Variants in GARIN1A observed in about 807,000 individuals in gnomAD.
GARIN1A encodes Golgi-associated RAB2 interactor protein 1A.
At chr7:128,696,875 G>A in the GARIN1A span, among the ~76,000 whole-genome samples, 2 of 152,082 alleles carry the variant, frequency 1.3e-5, no homozygotes, top group African/African-American at 4.8e-5. Context: ...CATTCTGGCA[G>A]GTGAAGAACA....
chr7:128,684,478 TG>T, the GARIN1A span: 1 of 152,178 alleles, frequency 6.6e-6, no homozygotes. Context: ...TAGCTGGATG[TG>T]GTGGTGCACA....
chr7:128,672,369 G>A, the GARIN1A span: 1 of 1,588,108 alleles, frequency 6.3e-7, no homozygotes, highest in Non-Finnish European at 8.6e-7. Flanking sequence ...CCCCAGAAAT[G>A]TTCCCAAGCC....
the GARIN1A span, chr7:128,709,005 T>C: frequency 6.6e-6 from 1 of 152,174 alleles, no homozygotes; most frequent in East Asian, 1.9e-4. Flanking sequence ...TGAGCAAAAG[T>C]GATTATGCCA....
At chr7:128,677,519 A>AAAAAT in the GARIN1A span, 2 of 1,472,982 alleles carry the variant, frequency 1.4e-6, no homozygotes, top group Non-Finnish European at 1.8e-6. Context: ...AAAAAAAAAA[A>AAAAAT]AGAAACCACG....
chr7:128,687,824 G>T, the GARIN1A span: 1 of 152,178 alleles, frequency 6.6e-6, no homozygotes, highest in East Asian at 1.9e-4. Context: ...CTGCCATGCT[G>T]GTGCTCTGGC....
the GARIN1A span, chr7:128,676,003 A>G: frequency 1.6e-6 from 1 of 624,544 alleles, no homozygotes; most frequent in Non-Finnish European, 2.8e-6. Context: ...TTGTTTAGCA[A>G]CGATTTATTT....
chr7:128,675,828 C>T, the GARIN1A span: 1 of 1,613,176 alleles, frequency 6.2e-7, no homozygotes, highest in East Asian at 2.2e-5. Flanking sequence ...CTGGAGCACA[C>T]CTGGTGACGC....
At chr7:128,679,031 CGTAT>C in the GARIN1A span, among the ~76,000 whole-genome samples, 7 of 150,116 alleles carry the variant, frequency 4.7e-5, no homozygotes, top group Admixed American at 1.3e-4. Flanking sequence ...TACATATATA[CGTAT>C]GTAACAATCG....
chr7:128,680,174 C>A, the GARIN1A span: 2 of 1,384,790 alleles, frequency 1.4e-6, no homozygotes, highest in South Asian at 1.3e-5. Flanking sequence ...GGGTCAGCTC[C>A]AGATCCCTTC....
chr7:128,708,326 C>A, the GARIN1A span, among the ~76,000 whole-genome samples: 1 of 151,998 alleles, frequency 6.6e-6, no homozygotes, highest in Non-Finnish European at 1.5e-5. Flanking sequence ...TGCACCGGGC[C>A]AATTTCTTTC....
At chr7:128,689,733 G>A in the GARIN1A span, among the ~76,000 whole-genome samples, 1 of 114,614 alleles carries the variant, frequency 8.7e-6, no homozygotes, top group Non-Finnish European at 2.0e-5. Flanking sequence ...CCCCGTCCGG[G>A]AGGGAGGTGG....
At chr7:128,701,990 CCTT>C in the GARIN1A span, among the ~76,000 whole-genome samples, 3 of 152,114 alleles carry the variant, frequency 2.0e-5, no homozygotes, top group African/African-American at 7.2e-5. Context: ...AATGGTCTGA[CCTT>C]CTTTAAAGTG....
At chr7:128,689,256 C>T in the GARIN1A span, among the ~76,000 whole-genome samples, 16 of 152,154 alleles carry the variant, frequency 1.1e-4, no homozygotes, top group Non-Finnish European at 2.2e-4. Flanking sequence ...CTCTGCCTAG[C>T]CGCCCATCGT....
At chr7:128,679,934 A>T in the GARIN1A span, 1 of 631,068 alleles carries the variant, frequency 1.6e-6, no homozygotes, top group Non-Finnish European at 2.6e-6. Context: ...TGTGAAACTC[A>T]ACTGTAATAT....
chr7:128,692,482 C>G, the GARIN1A span, among the ~76,000 whole-genome samples: 2 of 152,060 alleles, frequency 1.3e-5, no homozygotes, highest in African/African-American at 2.4e-5. Context: ...ATACACACAC[C>G]ATTTAAAAGA....
At chr7:128,690,184 T>C in the GARIN1A span, among the ~76,000 whole-genome samples, 2 of 152,214 alleles carry the variant, frequency 1.3e-5, no homozygotes, top group Non-Finnish European at 2.9e-5. Context: ...AAGATGTGCT[T>C]TGTTAAACAG....
At chr7:128,683,317 C>A in the GARIN1A span, 1 of 579,522 alleles carries the variant, frequency 1.7e-6, no homozygotes, top group Non-Finnish European at 2.9e-6. Context: ...CAAGTGAGTC[C>A]CTAATTTTTG....
the GARIN1A span, among the ~76,000 whole-genome samples, chr7:128,681,240 C>T: frequency 5.9e-5 from 9 of 152,196 alleles, no homozygotes; most frequent in Non-Finnish European, 8.8e-5. Flanking sequence ...TGAAAACTAT[C>T]AAAACCCTGA....
chr7:128,674,989 G>A, the GARIN1A span, among the ~76,000 whole-genome samples: 1,153 of 152,188 alleles, frequency 7.6e-3, 12 homozygotes, highest in African/African-American at 0.026. Context: ...GAACATAGGC[G>A]TCCCTCCTCA....
Sources: allele counts gnomAD v4.1 joint callset (sites outside exome capture counted in the v4.1 genomes callset), GRCh38; gene constraint gnomAD v4.1.1; transcripts MANE v1.5; gene names NCBI Gene and HGNC (gene_info 2026-07-23, HGNC 2026-07-21).